Variants in ATM observed in about 807,000 individuals in gnomAD.
The protein encoded by ATM is serine-protein kinase ATM.
ATM carries 308 observed loss-of-function variants against 387.0 expected under a neutral mutation model. That is an observed-to-expected ratio of 0.80 (90% confidence interval 0.73 to 0.87). ATM has a LOEUF of 0.87. Ranked by LOEUF, ATM falls within the 40% of genes least tolerant of loss-of-function variation. The pLI, the probability that ATM is intolerant of heterozygous loss-of-function variation, is 0.00. For missense variants in ATM, 3,312 were observed against 3,560.9 expected (o/e 0.93, Z 1.78); for synonymous variants, 1,156 against 1,187.3 (o/e 0.97, Z 0.54).
rs10588462 is a variant in ATM at position 108,312,686 on chromosome 11, ACT to A, written c.6006+191_6006+192del. Among the ~76,000 whole-genome samples, 79,379 of 151,812 alleles carry A rather than the reference ACT, an allele frequency of 0.52. 21,631 individuals are homozygous for A. The highest frequency in any genetic ancestry group is 0.73 in the Middle Eastern group (212 of 292). ...TAGACAGACTTGAGTTCTAATACTG[ACT>A]CTGCCACTTCTTGAGTTCCTTATCT... On this transcript the variant is annotated intron_variant, in intron 40 of 62. Transcript: ENST00000675843.
At chr11:108,257,164 T>C (rs1252623225) in intron 14 of ATM, among the ~76,000 whole-genome samples, 1 of 152,186 alleles carries the variant, frequency 6.6e-6, no homozygotes, top group African/African-American at 2.4e-5. Context: ...TTTCTCCACA[T>C]CCTGTCCAGC....
chr11:108,319,170 C>CT (rs774756703), intron 43 of ATM, among the ~76,000 whole-genome samples: 67 of 152,264 alleles, frequency 4.4e-4, no homozygotes, highest in Middle Eastern at 6.8e-3. Context: ...GAGTGAGACT[C>CT]TGTCTCAAAA....
At chr11:108,266,393 CCAAA>C (rs999326961) in intron 16 of ATM, among the ~76,000 whole-genome samples, 5 of 149,892 alleles carry the variant, frequency 3.3e-5, no homozygotes, top group Non-Finnish European at 7.4e-5. Context: ...GAAGAAAAAA[CCAAA>C]CACCGCATGT....
At position 108,240,300 on chromosome 11, in the gene ATM, C is replaced by T. The variant is rs2079491249; in HGVS notation, c.497-3653C>T. ...ATACTTTCACTGTCAGAAAAATCCT[C>T]TGTGCTTCACCTTTTCATCTCTTCC... On this transcript the variant is annotated intron_variant, in intron 5 of 62. Coordinates refer to ENST00000675843, the MANE Select transcript of ATM (RefSeq NM_000051.4). 2.6e-5 allele frequency among the ~76,000 whole-genome samples: 4 copies of T among 152,144 alleles called. No homozygotes were observed. The South Asian group carries it at 8.3e-4, about 31-fold the overall frequency.
Position 108,284,445 on chromosome 11 carries a change from T to C in ATM, c.3965T>C (p.Leu1322Pro), listed in dbSNP as rs786203306. 1 of 1,614,018 alleles carries C rather than the reference T, an allele frequency of 6.2e-7. No homozygotes were observed. Among genetic ancestry groups the C allele is most frequent in the African/African-American group, 1.3e-5 (1 of 75,062 alleles). Residue 1322 changes from leucine to proline, a missense_variant, in exon 26 of 63, where the codon CTT becomes CCT. Coordinates refer to ENST00000675843, the MANE Select transcript of ATM (RefSeq NM_000051.4). ...ACTGCTACCAAGGTCTATGATATGC[T>C]TAAAAGTGAAAACTTATTGGGAAAA... The part of the protein sequence containing the change: ...RETATKVYDM[L>P]KSENLLGKQI...
At position 108,250,933 on chromosome 11, in the gene ATM, A is replaced by G. The variant is rs761850075; in HGVS notation, c.1468A>G (p.Ile490Val). Residue 490 changes from isoleucine (I) to valine (V), a missense_variant, in exon 10 of 63, where the codon ATT becomes GTT. Ile to Val is a conservative substitution (Grantham distance 29, BLOSUM62 3). Coordinates refer to ENST00000675843, the MANE Select transcript of ATM (RefSeq NM_000051.4). ...AAAACTCTGGAATAAAATTTGGTGT[A>G]TTACCTTTCGTGGTATAAGTTCTGA... ...LLKLWNKIWC[I>V]TFRGISSEQI... is the part of the protein sequence containing the mutation. 8 of 1,614,170 alleles carry G rather than the reference A, an allele frequency of 5.0e-6. No homozygotes were observed. Among genetic ancestry groups the G allele is most frequent in the Non-Finnish European group, 5.9e-6 (7 of 1,180,022 alleles).
At chr11:108,320,843 T>C (rs2085151329) in intron 44 of ATM, among the ~76,000 whole-genome samples, 5 of 152,202 alleles carry the variant, frequency 3.3e-5, no homozygotes, top group Admixed American at 2.0e-4. Context: ...ACCAGAAGCC[T>C]TACCAATAAC....
intron 61 of ATM, among the ~76,000 whole-genome samples, chr11:108,362,998 A>T (rs1417119407): frequency 2.0e-5 from 3 of 152,082 alleles, no homozygotes; most frequent in Non-Finnish European, 4.4e-5. Flanking sequence ...AACAAAAAAA[A>T]CACACCCTCC....
Position 108,333,902 on chromosome 11 carries a change from A to T in ATM, c.7944A>T (p.Pro2648=). Residue 2648 remains proline, a synonymous_variant, in exon 54 of 63, where the codon CCA becomes CCT. Coordinates refer to ENST00000675843, the MANE Select transcript of ATM (RefSeq NM_000051.4). ...WKTQRKGINI[P]ADQPITKLKN... is the part of the protein sequence containing the mutation. ...TAAATACAGAAGGCATAAATATTCCAGCAGACCAGCCAATTACTAAACTTA... is the reference window on the plus strand; with the variant it reads ...TAAATACAGAAGGCATAAATATTCCTGCAGACCAGCCAATTACTAAACTTA... 6.2e-7 allele frequency: 1 copy of T among 1,609,854 alleles called. No homozygotes were observed.
At chr11:108,244,756 A>G (rs1207331421) in intron 6 of ATM, 32 bp from the exon 7 acceptor site, 15 of 1,523,750 alleles carry the variant, frequency 9.8e-6, no homozygotes, top group Non-Finnish European at 1.4e-5. Flanking sequence ...TCCCCCTGTT[A>G]TACCCAGTTG....
chr11:108,330,159 G>A (rs1161989103), intron 49 of ATM, 55 bp from the exon 50 acceptor site: 1 of 1,558,652 alleles, frequency 6.4e-7, no homozygotes, highest in Non-Finnish European at 8.8e-7. Flanking sequence ...GTGTGATTTT[G>A]TAGTTCTGTT....
intron 16 of ATM, among the ~76,000 whole-genome samples, chr11:108,260,025 C>A (rs1213722218): frequency 1.4e-5 from 2 of 140,020 alleles, no homozygotes; most frequent in African/African-American, 5.2e-5. Flanking sequence ...GAAAGCTTAT[C>A]TGCTCTTTTT....
Position 108,260,904 on chromosome 11 carries a change from C to T in ATM, c.2466+1829C>T, listed in dbSNP as rs1269782599. On this transcript the variant is annotated intron_variant, in intron 16 of 62. Coordinates refer to ENST00000675843, the MANE Select transcript of ATM (RefSeq NM_000051.4). ...GGACGGCACCTGGAAAATCGGGTCA[C>T]TCCCCGAATACTGCTCTTTTGCGAC... 2.6e-5 allele frequency among the ~76,000 whole-genome samples: 4 copies of T among 152,346 alleles called. No homozygotes were observed. In the East Asian group the frequency reaches 7.7e-4, roughly 29 times the overall value.
chr11:108,295,338 T>G lies in ATM; in HGVS notation c.4909+279T>G, dbSNP rs4988014. The G allele has an allele frequency of 1.2e-3, 457 of 373,198 alleles. 1 individual carries two copies. The highest frequency in any genetic ancestry group is 7.9e-3 in the African/African-American group (379 of 47,784). 23.1% of individuals were successfully genotyped at this position (373,198 alleles called of 1,614,324 possible). On this transcript the variant is annotated intron_variant, in intron 32 of 62. Coordinates refer to ENST00000675843, the MANE Select transcript of ATM (RefSeq NM_000051.4). Reference sequence around the variant, plus strand: ...TTTTTTTTTTAAGAGACAGAGTTTTTTTTTTTTTTTAAGAGTCTCACTCTG... The same window carrying G: ...TTTTTTTTTTAAGAGACAGAGTTTTGTTTTTTTTTTAAGAGTCTCACTCTG...
chr11:108,332,849 G>C lies in ATM; in HGVS notation c.7876G>C (p.Ala2626Pro), dbSNP rs267606669. The change falls in exon 53 of 63, where the codon GCT becomes CCT. Residue 2626 changes from alanine (A) to proline (P), a missense_variant. By Grantham distance (27) the Ala-to-Pro change is conservative. This residue lies in a region of ATM where 1,405 missense variants were observed against 1,604.4 expected (regional missense o/e 0.88). Transcript: ENST00000675843. ...MVRSVEALCD[A>P]YIILANLDAT... ...CAGAAGTGTTGAGGCACTTTGTGAT[G>C]CTTATATTATATTAGCAAACTTAGA... The C allele has an allele frequency of 6.8e-6, 11 of 1,613,054 alleles. No individual in the cohort carries two copies. The highest frequency in any genetic ancestry group is 9.3e-6 in the Non-Finnish European group (11 of 1,179,646).
At chr11:108,264,703 C>G (rs373283566) in intron 16 of ATM, among the ~76,000 whole-genome samples, 2,625 of 136,862 alleles carry the variant, frequency 0.019, 61 homozygotes, top group African/African-American at 0.063. Context: ...TCCCTGTTTG[C>G]AGACGACATG....
In ATM at chr11:108,247,033, G is replaced by A. The variant is rs1355502804; in HGVS notation, c.971G>A (p.Ser324Asn). ...TATGATCTGCTAGTGAATGAGATAA[G>A]TCATATAGGAAGTAGAGGAAAGTAT... The part of the protein sequence containing the change: ...NLYDLLVNEI[S>N]HIGSRGKYSS... Residue 324 changes from serine (S) to asparagine (N), a missense_variant, in exon 8 of 63, where the codon AGT (serine) becomes AAT (asparagine). Ser to Asn is a conservative substitution (Grantham distance 46). Coordinates refer to ENST00000675843, the MANE Select transcript of ATM (RefSeq NM_000051.4). 1.2e-6 allele frequency: 2 copies of A among 1,613,424 alleles called. No homozygotes were observed. Among genetic ancestry groups the A allele is most frequent in the Non-Finnish European group, 1.7e-6 (2 of 1,179,504 alleles).
intron 58 of ATM, chr11:108,346,467 G>A (rs955921427): frequency 2.7e-5 from 4 of 150,936 alleles, no homozygotes; most frequent in Non-Finnish European, 5.9e-5. Flanking sequence ...GAGAACTAAT[G>A]TAAACATTAG....
chr11:108,265,487 A>G (rs2081175929), intron 16 of ATM, among the ~76,000 whole-genome samples: 1 of 152,144 alleles, frequency 6.6e-6, no homozygotes, highest in African/African-American at 2.4e-5. Flanking sequence ...TCAATTCAAG[A>G]TGGATTAAAG....
Sources: allele counts gnomAD v4.1 joint callset (sites outside exome capture counted in the v4.1 genomes callset), GRCh38; gene constraint gnomAD v4.1.1; regional missense constraint gnomAD v4.1.1; transcripts MANE v1.5; gene names NCBI Gene and HGNC (gene_info 2026-07-23, HGNC 2026-07-21).